The following NRG1 variants were observed in gnomAD, a reference collection of about 807,000 sequenced individuals.
The protein encoded by NRG1 is pro-neuregulin-1, membrane-bound isoform.
NRG1 carries 18 observed loss-of-function variants against 63.8 expected under a neutral mutation model. The observed-to-expected ratio is 0.28, with a 90% confidence interval of 0.19 to 0.42. The LOEUF (loss-of-function observed/expected upper bound fraction) is 0.42, where lower values mean the gene tolerates loss of function less well. Among genes scored for constraint, NRG1 ranks in the 10% least tolerant of loss-of-function variants. NRG1 has a pLI of 1.00. For missense variants in NRG1, 762 were observed against 814.7 expected (o/e 0.94, Z 0.79); for synonymous variants, 302 against 301.3 (o/e 1.00, Z -0.02).
At chr8:32,768,501 A>G (rs1329079004), downstream of NRG1, among the ~76,000 whole-genome samples, 1 of 152,152 alleles carries the variant, frequency 6.6e-6, no homozygotes, top group Non-Finnish European at 1.5e-5. Context: ...ATAATTTTAA[A>G]AGAGGAGAAG....
intron 1 of NRG1, among the ~76,000 whole-genome samples, chr8:31,887,138 A>C (rs529121492): frequency 6.6e-6 from 1 of 152,064 alleles, no homozygotes; most frequent in Non-Finnish European, 1.5e-5. Flanking sequence ...CCTGCTTGTT[A>C]GTTTTGTCCT....
rs1417636675 is a variant in NRG1, at chr8:32,608,238, G to A, written c.400+2555G>A. The stretch of plus-strand genomic sequence containing the variant: ...CTGTCACCCAGGCTAGGGTGCAGAG[G>A]TGTGATCTTGGCTCACTGCAACCTC... On this transcript the variant is annotated intron_variant, in intron 3 of 11. Coordinates refer to ENST00000356819, the Ensembl canonical transcript of NRG1. Among the ~76,000 whole-genome samples, 4 of 151,634 alleles carry A rather than the reference G, an allele frequency of 2.6e-5. No homozygotes were observed. The East Asian group carries it at 7.8e-4, about 30-fold the overall frequency.
Position 32,596,014 on chromosome 8 carries a change from A to C in NRG1, c.278+9A>C. On this transcript the variant is annotated intron_variant, in intron 2 of 11. Transcript: ENST00000356819. ...ATACAAAAAAAGCCAGGGTAAGTAT[A>C]ATGCATAAAATAGTAGAGACTGCCC... is the stretch of plus-strand genomic sequence containing the variant. 6.2e-7 allele frequency: 1 copy of C among 1,606,786 alleles called. No individual in the cohort carries two copies.
intron 1 of NRG1, among the ~76,000 whole-genome samples, chr8:32,507,992 C>T (rs1161827254): frequency 6.6e-6 from 1 of 152,168 alleles, no homozygotes; most frequent in Non-Finnish European, 1.5e-5. Context: ...GCCACCGTAC[C>T]CAGACTACAA....
At chr8:31,789,632 G>A (rs1278877594) in intron 1 of NRG1, among the ~76,000 whole-genome samples, 2 of 152,172 alleles carry the variant, frequency 1.3e-5, no homozygotes, top group Admixed American at 6.5e-5. Context: ...GTGCAAGTTT[G>A]TAACTTCAGT....
At chr8:32,763,864 C>T (rs748990485) in exon 12 of NRG1, 2 of 1,613,962 alleles carry the variant, frequency 1.2e-6, no homozygotes, top group East Asian at 2.2e-5. Flanking sequence ...ATGACGGTGT[C>T]CATGCCTTCC....
At chr8:32,306,866 A>G (rs1856245038) in intron 1 of NRG1, among the ~76,000 whole-genome samples, 1 of 152,198 alleles carries the variant, frequency 6.6e-6, no homozygotes, top group Admixed American at 6.5e-5. Context: ...GTGATTCGTG[A>G]TCTGGGGTTT....
intron 1 of NRG1, among the ~76,000 whole-genome samples, chr8:31,983,002 C>T (rs1252371138): frequency 7.2e-5 from 11 of 152,062 alleles, no homozygotes; most frequent in Admixed American, 7.2e-4. Context: ...TTCTCTTCAT[C>T]ATATAGTGAC....
At chr8:32,075,405 T>G (rs1311316989) in intron 1 of NRG1, among the ~76,000 whole-genome samples, 1 of 152,104 alleles carries the variant, frequency 6.6e-6, no homozygotes, top group Non-Finnish European at 1.5e-5. Context: ...AAAACGTTTT[T>G]TAGAAAAAGA....
At chr8:31,697,621 G>A (rs1810207377) in intron 1 of NRG1, among the ~76,000 whole-genome samples, 1 of 152,160 alleles carries the variant, frequency 6.6e-6, no homozygotes, top group Non-Finnish European at 1.5e-5. Context: ...CAGGAAAGCA[G>A]AGGAGTTAGT....
chr8:32,742,856 T>C lies in NRG1; in HGVS notation c.691+123T>C, dbSNP rs943907420. 1.9e-6 allele frequency: 3 copies of C among 1,591,844 alleles called. No individual in the cohort carries two copies. Among genetic ancestry groups the C allele is most frequent in the African/African-American group, 1.3e-5 (1 of 74,358 alleles). ...TAGATGTGTCTTACCAGATCTAATA[T>C]TGACTGCCTCTGCCTGTCGCATGAG... is the stretch of plus-strand genomic sequence containing the variant. On this transcript the variant is annotated intron_variant, in intron 7 of 11. Coordinates refer to ENST00000356819, the Ensembl canonical transcript of NRG1. This position sits in a 1 kb window ranked among gnomAD's most constrained non-coding sequence, Gnocchi z 4.2.
At chr8:31,700,417 G>A (rs1810515540) in intron 1 of NRG1, among the ~76,000 whole-genome samples, 1 of 152,150 alleles carries the variant, frequency 6.6e-6, no homozygotes, top group Non-Finnish European at 1.5e-5. Context: ...GATGAGGATG[G>A]TTTGTGTGGA....
At position 32,569,239 on chromosome 8, in the gene NRG1, G is replaced by A. The variant is rs138321750; in HGVS notation, c.100+20413G>A. Among the ~76,000 whole-genome samples the A allele has an allele frequency of 5.9e-5, 9 of 152,218 alleles. No individual in the cohort carries two copies. In the East Asian group the frequency reaches 1.5e-3, roughly 26 times the overall value. On this transcript the variant is annotated intron_variant, in intron 1 of 11. Coordinates refer to ENST00000356819, the Ensembl canonical transcript of NRG1. ...TAATTTTTGAATTTTTTGCAGAGAG[G>A]GGTTTTGCCATGTTGGCCAGGCTGG... is the stretch of plus-strand genomic sequence containing the variant.
intron 5 of NRG1, among the ~76,000 whole-genome samples, chr8:32,650,532 G>A (rs2466057): frequency 6.6e-6 from 1 of 151,834 alleles, no homozygotes; most frequent in East Asian, 1.9e-4. Context: ...GGGGTGGGGA[G>A]AGGTTGTTGT....
At chr8:31,769,240 G>A (rs988825938) in intron 1 of NRG1, among the ~76,000 whole-genome samples, 27 of 152,018 alleles carry the variant, frequency 1.8e-4, no homozygotes, top group African/African-American at 6.5e-4. Context: ...TTATTTTCAG[G>A]GTTTCTTTTA....
intron 1 of NRG1, among the ~76,000 whole-genome samples, chr8:32,175,529 A>G (rs1419277330): frequency 1.3e-5 from 2 of 152,198 alleles, no homozygotes; most frequent in South Asian, 2.1e-4. Context: ...GTAGTCAAAG[A>G]TGAAGTCAAA....
rs144708647 is a variant in NRG1 at position 32,207,848 on chromosome 8, G to A, written c.38-387980G>A. Among the ~76,000 whole-genome samples, 451 of 152,258 alleles carry A rather than the reference G, an allele frequency of 3.0e-3. 2 individuals carry two copies. Among genetic ancestry groups the A allele is most frequent in the African/African-American group, 0.01 (429 of 41,548 alleles). On this transcript the variant is annotated intron_variant, in intron 1 of 10. Coordinates refer to the NRG1 transcript ENST00000519301. ...CATCTCTAGCCCATTAGAATAATGT[G>A]TTACTCATATTGCTCCTAAAGCTTT...
At chr8:32,324,793 A>G (rs1261022896) in intron 1 of NRG1, among the ~76,000 whole-genome samples, 1 of 152,186 alleles carries the variant, frequency 6.6e-6, no homozygotes, top group African/African-American at 2.4e-5. Context: ...CCTTCAGGAT[A>G]GCATCTCATT....
intron 1 of NRG1, among the ~76,000 whole-genome samples, chr8:31,959,986 G>A (rs948589364): frequency 6.6e-6 from 1 of 152,064 alleles, no homozygotes; most frequent in African/African-American, 2.4e-5. Context: ...CGAGTATGCA[G>A]TAACTGAGTT....
Sources: gnomAD v4.1 joint callset for allele counts (sites outside exome capture counted in the v4.1 genomes callset) on GRCh38, gnomAD v4.1.1 for gene constraint, Gnocchi (gnomAD v3.1) non-coding constraint, MANE v1.5 for transcripts, NCBI Gene and HGNC (gene_info 2026-07-23, HGNC 2026-07-21) for gene names.